Variants in KAT6B observed in about 807,000 individuals in gnomAD.
KAT6B encodes the protein lysine acetyltransferase 6B.
Under a neutral mutation model 187.5 loss-of-function variants are expected in KAT6B, and 10 were observed. The observed-to-expected ratio is 0.05, with a 90% CI of 0.03 to 0.09. KAT6B has a LOEUF of 0.09. Among genes scored for constraint, KAT6B ranks in the 10% least tolerant of loss-of-function variants. The pLI, the probability that KAT6B is intolerant of heterozygous loss-of-function variation, is 1.00. For missense variants in KAT6B, 1,952 were observed against 2,558.9 expected (o/e 0.76, Z 5.12); for synonymous variants, 861 against 926.8 (o/e 0.93, Z 1.29).
intron 3 of KAT6B, among the ~76,000 whole-genome samples, chr10:74,849,212 C>T (rs941608422): frequency 1.3e-5 from 2 of 152,030 alleles, no homozygotes. Context: ...GAACTCCTGG[C>T]CTCAAGTGAT....
At chr10:74,963,500 G>A (rs757927055) in intron 4 of KAT6B, among the ~76,000 whole-genome samples, 15 of 152,170 alleles carry the variant, frequency 9.9e-5, no homozygotes, top group Non-Finnish European at 1.8e-4. Context: ...GCAGCTGGGT[G>A]AGTGAGAGAA....
chr10:74,865,166 A>G (rs1843468089), intron 3 of KAT6B, among the ~76,000 whole-genome samples: 1 of 152,170 alleles, frequency 6.6e-6, no homozygotes, highest in Non-Finnish European at 1.5e-5. Flanking sequence ...CACAGTGCCT[A>G]TTCAATAACA....
chr10:74,998,921 C>T (rs1044516315), intron 13 of KAT6B, among the ~76,000 whole-genome samples: 2 of 152,056 alleles, frequency 1.3e-5, no homozygotes, highest in African/African-American at 4.8e-5. Flanking sequence ...GAACCAGACC[C>T]TGTTTCTTAA....
intron 3 of KAT6B, among the ~76,000 whole-genome samples, chr10:74,887,644 A>G (rs1845375211): frequency 6.6e-6 from 1 of 151,956 alleles, no homozygotes; most frequent in Non-Finnish European, 1.5e-5. Flanking sequence ...GTTTTGAGCC[A>G]TGATGTCAGG....
At chr10:75,001,262 C>A (rs971629708) in intron 13 of KAT6B, among the ~76,000 whole-genome samples, 1 of 152,138 alleles carries the variant, frequency 6.6e-6, no homozygotes, top group Non-Finnish European at 1.5e-5. Flanking sequence ...CAACCACCCA[C>A]GTCCGTAGAG....
At chr10:74,875,229 G>A (rs1424264061) in intron 3 of KAT6B, among the ~76,000 whole-genome samples, 3 of 152,210 alleles carry the variant, frequency 2.0e-5, no homozygotes, top group Admixed American at 6.5e-5. Context: ...AGATCTTGTT[G>A]TTTGTGGTGG....
At chr10:74,921,108 A>ATTTTTTTTTTTTTTTTTTTTTTTTTT in intron 3 of KAT6B, among the ~76,000 whole-genome samples, 1 of 109,514 alleles carries the variant, frequency 9.1e-6, no homozygotes, top group Non-Finnish European at 1.7e-5. Context: ...TGTAGTCTAA[A>ATTTTTTTTTTTTTTTTTTTTTTTTTT]TTTTTTTTTT....
In KAT6B at chr10:74,950,309, T is replaced by C. The variant is rs141407813; in HGVS notation, c.622-9661T>C. Among the ~76,000 whole-genome samples the C allele has an allele frequency of 3.6e-3, 541 of 152,314 alleles. 1 individual carries two copies. The highest frequency in any genetic ancestry group is 0.012 in the African/African-American group (510 of 41,548). On this transcript the variant is annotated intron_variant, in intron 3 of 17. Coordinates refer to ENST00000287239, the MANE Select transcript of KAT6B (RefSeq NM_012330.4). ...TAGACTTGTCGTAAACAGAGTTCTG[T>C]TCTACCCCGAAGGATGTGAAGTAGA...
intron 2 of KAT6B, among the ~76,000 whole-genome samples, chr10:74,841,020 A>G (rs1841707405): frequency 6.6e-6 from 1 of 152,248 alleles, no homozygotes; most frequent in African/African-American, 2.4e-5. Flanking sequence ...TTCAAAGTAT[A>G]TAGATGTTGC....
intron 3 of KAT6B, among the ~76,000 whole-genome samples, chr10:74,929,462 T>A (rs1848718561): frequency 6.6e-6 from 1 of 152,206 alleles, no homozygotes; most frequent in Admixed American, 6.5e-5. Flanking sequence ...TAGTCATACA[T>A]TGACCGAATG....
chr10:74,968,166 A>G (rs1841604978), intron 4 of KAT6B, among the ~76,000 whole-genome samples: 1 of 152,202 alleles, frequency 6.6e-6, no homozygotes, highest in African/African-American at 2.4e-5. Flanking sequence ...GAAGTCGACA[A>G]GCAAGCTGTC....
chr10:74,829,562 C>T (rs986365152), intron 1 of KAT6B, among the ~76,000 whole-genome samples: 24 of 151,698 alleles, frequency 1.6e-4, no homozygotes, highest in African/African-American at 5.8e-4. Context: ...AGGTGATTCT[C>T]CTGCCTCAGC....
At position 75,028,620 on chromosome 10, in the gene KAT6B, A is replaced by G. The variant is rs772133401; in HGVS notation, c.3796A>G (p.Lys1266Glu). The G allele has an allele frequency of 6.2e-7, 1 of 1,614,216 alleles. No individual in the cohort carries two copies. The highest frequency in any genetic ancestry group is 8.5e-7 in the Non-Finnish European group (1 of 1,180,046). The change falls in exon 18 of 18, where the codon AAG becomes GAG. Residue 1266 changes from lysine (K) to glutamate (E), a missense_variant. Physicochemically the swap from Lys to Glu is moderately conservative, Grantham distance 56. Transcript: ENST00000287239. Reference protein sequence around the residue: ...LSKWRQNKERKTGFKLNLYTP... With the variant: ...LSKWRQNKERETGFKLNLYTP... ...TAAGTGGAGGCAAAACAAAGAGAGGAAGACCGGATTTAAACTGAATTTGTA... is the reference window on the plus strand; with the variant it reads ...TAAGTGGAGGCAAAACAAAGAGAGGGAGACCGGATTTAAACTGAATTTGTA...
At chr10:75,008,257 T>G (rs1008927083) in intron 13 of KAT6B, among the ~76,000 whole-genome samples, 1 of 152,138 alleles carries the variant, frequency 6.6e-6, no homozygotes, top group Non-Finnish European at 1.5e-5. Flanking sequence ...TTTCTTTTTT[T>G]GTGGGAAGAA....
intron 3 of KAT6B, among the ~76,000 whole-genome samples, chr10:74,853,357 T>C (rs905007216): frequency 6.6e-6 from 1 of 151,098 alleles, no homozygotes; most frequent in African/African-American, 2.4e-5. Context: ...CGTGTAATCA[T>C]GGTTCACTGC....
At chr10:74,870,166 C>T (rs148371865) in intron 3 of KAT6B, among the ~76,000 whole-genome samples, 1,655 of 152,010 alleles carry the variant, frequency 0.011, 18 homozygotes, top group Non-Finnish European at 0.016. Context: ...GTAGTCCCAG[C>T]GACTTGGGGG....
upstream of KAT6B, among the ~76,000 whole-genome samples, chr10:74,825,105 T>C (rs1273135724): frequency 1.3e-5 from 2 of 152,060 alleles, no homozygotes; most frequent in African/African-American, 4.8e-5. The surrounding 1 kb of genome is among the most constrained non-coding windows in gnomAD (Gnocchi z 5.0). Context: ...CCGATCAGGG[T>C]AGACACAGCT....
intron 3 of KAT6B, among the ~76,000 whole-genome samples, chr10:74,888,293 C>T (rs1845428101): frequency 6.6e-6 from 1 of 151,946 alleles, no homozygotes; most frequent in South Asian, 2.1e-4. Flanking sequence ...TCACCAAAGA[C>T]AAAATCACAA....
chr10:75,002,559 C>T (rs990580478), intron 13 of KAT6B, among the ~76,000 whole-genome samples: 12 of 152,132 alleles, frequency 7.9e-5, no homozygotes, highest in African/African-American at 2.7e-4. Flanking sequence ...AGACCTAAGT[C>T]GAAGTCTATA....
Sources: gnomAD v4.1 joint callset for allele counts (sites outside exome capture counted in the v4.1 genomes callset) on GRCh38, gnomAD v4.1.1 for gene constraint, Gnocchi (gnomAD v3.1) non-coding constraint, MANE v1.5 for transcripts, NCBI Gene and HGNC (gene_info 2026-07-23, HGNC 2026-07-21) for gene names.